The following SNX29 variants were observed in gnomAD, a reference collection of about 807,000 sequenced individuals.
SNX29 encodes the protein sorting nexin 29.
Under a neutral mutation model 102.1 loss-of-function variants are expected in SNX29, and 78 were observed. The ratio of observed to expected loss-of-function variants is 0.76; its 90% CI spans 0.64 to 0.92. The LOEUF (loss-of-function observed/expected upper bound fraction) is 0.92, where lower values mean the gene tolerates loss of function less well. Ranked by LOEUF, SNX29 falls within the 40% of genes least tolerant of loss-of-function variation. SNX29 has a pLI of 0.00. For missense variants in SNX29, 1,280 were observed against 1,061.7 expected (o/e 1.21, Z -2.86); for synonymous variants, 580 against 414.5 (o/e 1.40, Z -4.85).
intron 16 of SNX29, among the ~76,000 whole-genome samples, chr16:12,382,340 C>T (rs989895424): frequency 1.3e-5 from 2 of 152,204 alleles, no homozygotes; most frequent in Non-Finnish European, 2.9e-5. Flanking sequence ...ACCCCACAGC[C>T]ATGGTCTTGT....
Position 12,458,799 on chromosome 16 carries a change from C to G in SNX29, c.2038-18920C>G, listed in dbSNP as rs564819906. ...CCGCACACATGCGCAGAGGCAGGCT[C>G]TGGCCACAGCTCATTGGCCCAGAGT... On this transcript the variant is annotated intron_variant, in intron 18 of 20. Transcript: ENST00000566228. Among the ~76,000 whole-genome samples, 5 of 152,316 alleles carry G rather than the reference C, an allele frequency of 3.3e-5. No homozygotes were observed. In the East Asian group the frequency reaches 7.7e-4, roughly 24 times the overall value.
intron 18 of SNX29, among the ~76,000 whole-genome samples, chr16:12,460,160 C>G (rs1324009223): frequency 5.3e-5 from 8 of 152,218 alleles, no homozygotes; most frequent in Non-Finnish European, 7.3e-5. Flanking sequence ...CCCATTCCTT[C>G]TCACAAGAGC....
chr16:12,099,824 A>T (rs1036105241), intron 11 of SNX29, among the ~76,000 whole-genome samples: 1 of 152,038 alleles, frequency 6.6e-6, no homozygotes, highest in Non-Finnish European at 1.5e-5. Flanking sequence ...CAGTGCCCTC[A>T]TGACTGCCTG....
intron 1 of SNX29, among the ~76,000 whole-genome samples, chr16:11,997,429 C>G (rs74495207): frequency 0.011 from 1,655 of 152,010 alleles, 38 homozygotes; most frequent in African/African-American, 0.038. Flanking sequence ...TTTGTTTTGT[C>G]TTCCTAGTGT....
chr16:12,470,279 G>A (rs1246400762), intron 18 of SNX29, among the ~76,000 whole-genome samples: 2 of 152,216 alleles, frequency 1.3e-5, no homozygotes, highest in East Asian at 3.8e-4. Context: ...CAGGAAGCAG[G>A]GGCAGCCTGA....
chr16:12,296,234 G>C (rs140261390), intron 15 of SNX29, among the ~76,000 whole-genome samples: 232 of 152,292 alleles, frequency 1.5e-3, no homozygotes, highest in African/African-American at 5.4e-3. Context: ...TTAGAGGTTT[G>C]AACTGCTGTG....
intron 14 of SNX29, among the ~76,000 whole-genome samples, chr16:12,247,695 G>A (rs1432145554): frequency 6.6e-6 from 1 of 152,144 alleles, no homozygotes; most frequent in Non-Finnish European, 1.5e-5. Flanking sequence ...CAGCCTCAAG[G>A]TTTAAAAAGT....
rs1229107383 is a variant in SNX29, at chr16:12,221,031, T to C, written c.1678+21348T>C. ...TGCCTCGATGCTCACCCTCTCTTCATTGGCAGGGGAGCAAATTAATTTTAG... is the reference window on the plus strand; with the variant it reads ...TGCCTCGATGCTCACCCTCTCTTCACTGGCAGGGGAGCAAATTAATTTTAG... On this transcript the variant is annotated intron_variant, in intron 14 of 20. Transcript: ENST00000566228. Among the ~76,000 whole-genome samples the C allele has an allele frequency of 2.6e-5, 4 of 152,226 alleles. No homozygotes were observed. In the East Asian group the frequency reaches 5.8e-4, roughly 22 times the overall value.
chr16:11,988,849 T>C (rs2055734055), intron 1 of SNX29, among the ~76,000 whole-genome samples: 1 of 152,206 alleles, frequency 6.6e-6, no homozygotes, highest in Non-Finnish European at 1.5e-5. Flanking sequence ...ATTACTGTTA[T>C]CTATGGTTGC....
intron 18 of SNX29, among the ~76,000 whole-genome samples, chr16:12,456,397 G>T (rs2086539033): frequency 6.6e-6 from 1 of 152,146 alleles, no homozygotes; most frequent in Admixed American, 6.5e-5. Flanking sequence ...AAAAAACTAG[G>T]CAAGATAATT....
intron 2 of SNX29, among the ~76,000 whole-genome samples, chr16:12,000,916 G>T (rs2056264647): frequency 6.6e-6 from 1 of 152,152 alleles, no homozygotes; most frequent in Admixed American, 6.6e-5. Context: ...TGGCTGCTGA[G>T]GGAATTGGAT....
intron 18 of SNX29, among the ~76,000 whole-genome samples, chr16:12,452,056 T>G (rs1470826601): frequency 6.6e-6 from 1 of 152,178 alleles, no homozygotes; most frequent in Admixed American, 6.5e-5. Context: ...TGAGCCCCAC[T>G]GAAGCTCAGA....
At chr16:12,046,616 T>G (rs1291651947) in intron 6 of SNX29, among the ~76,000 whole-genome samples, 162 bp downstream of exon 6, 1 of 152,130 alleles carries the variant, frequency 6.6e-6, no homozygotes, top group East Asian at 1.9e-4. Context: ...TGAATGTTGG[T>G]TTTTTAATTT....
At chr16:12,540,717 G>A (rs1004936321) in intron 20 of SNX29, among the ~76,000 whole-genome samples, 1 of 152,174 alleles carries the variant, frequency 6.6e-6, no homozygotes, top group Non-Finnish European at 1.5e-5. Context: ...GACGCTCCAG[G>A]GATGAAGAGC....
intron 13 of SNX29, among the ~76,000 whole-genome samples, chr16:12,148,360 G>T (rs1244315629): frequency 6.6e-6 from 1 of 152,210 alleles, no homozygotes; most frequent in African/African-American, 2.4e-5. Context: ...CTGGTAATGT[G>T]AGCTAAGGAG....
At chr16:12,535,779 C>T (rs548942674) in intron 20 of SNX29, among the ~76,000 whole-genome samples, 2 of 152,008 alleles carry the variant, frequency 1.3e-5, no homozygotes, top group South Asian at 2.1e-4. Context: ...TGGAGGTCCT[C>T]AGAGTATAGA....
At chr16:12,182,453 G>A (rs1317345262) in intron 13 of SNX29, among the ~76,000 whole-genome samples, 4 of 152,058 alleles carry the variant, frequency 2.6e-5, no homozygotes, top group Admixed American at 6.5e-5. Context: ...TTACTCTGAT[G>A]GCTGCTAACG....
chr16:12,503,356 A>G (rs936313060), intron 19 of SNX29, among the ~76,000 whole-genome samples: 3 of 152,156 alleles, frequency 2.0e-5, no homozygotes, highest in African/African-American at 7.2e-5. Context: ...AGGTGGGGAA[A>G]GTGGTTGAGG....
chr16:12,345,024 A>G (rs747072796), intron 15 of SNX29, among the ~76,000 whole-genome samples: 16 of 152,250 alleles, frequency 1.1e-4, no homozygotes, highest in Non-Finnish European at 2.4e-4. Context: ...GCTACGTTTA[A>G]GGAAAGAGGC....
Sources: allele counts gnomAD v4.1 joint callset (sites outside exome capture counted in the v4.1 genomes callset), GRCh38; gene constraint gnomAD v4.1.1; transcripts MANE v1.5; gene names NCBI Gene and HGNC (gene_info 2026-07-23, HGNC 2026-07-21).